GABBR2: variants seen among roughly 807,000 people sequenced by gnomAD.
GABBR2 encodes G-protein coupled receptor 51.
Under a neutral mutation model 105.6 loss-of-function variants are expected in GABBR2, and 23 were observed. The observed-to-expected ratio is 0.22, with a 90% CI of 0.16 to 0.31. GABBR2 has a LOEUF of 0.31. GABBR2 is among the 10% of genes least tolerant of loss of function. GABBR2 has a pLI of 1.00. For missense variants in GABBR2, 734 were observed against 1,245.5 expected (o/e 0.59, Z 6.18); for synonymous variants, 478 against 499.7 (o/e 0.96, Z 0.58).
chr9:98,580,742 C>T (rs929508445), intron 1 of GABBR2, among the ~76,000 whole-genome samples: 2 of 152,156 alleles, frequency 1.3e-5, no homozygotes, highest in Admixed American at 6.5e-5. Flanking sequence ...GAGCCGAGAT[C>T]GCGCCCTGCA....
intron 1 of GABBR2, among the ~76,000 whole-genome samples, chr9:98,605,219 T>A (rs1385736601): frequency 6.6e-6 from 1 of 152,204 alleles, no homozygotes; most frequent in Non-Finnish European, 1.5e-5. Context: ...CAGGTCAGGT[T>A]TCCAACTGCA....
At chr9:98,702,061 T>C (rs749713874) in intron 1 of GABBR2, among the ~76,000 whole-genome samples, 1 of 152,006 alleles carries the variant, frequency 6.6e-6, no homozygotes. Context: ...ATCAGCCCCA[T>C]TTCATCGATG....
At chr9:98,630,115 T>G (rs1829797182) in intron 1 of GABBR2, among the ~76,000 whole-genome samples, 1 of 152,142 alleles carries the variant, frequency 6.6e-6, no homozygotes, top group Non-Finnish European at 1.5e-5. Context: ...TCTGTATGGT[T>G]TATGTCACTC....
chr9:98,510,970 C>A (rs971984582), intron 3 of GABBR2, among the ~76,000 whole-genome samples: 4 of 151,930 alleles, frequency 2.6e-5, no homozygotes, highest in Non-Finnish European at 4.4e-5. Context: ...CAGCACCACA[C>A]CACACCTATT....
At chr9:98,551,389 A>G (rs1426130035) in intron 2 of GABBR2, among the ~76,000 whole-genome samples, 4 of 152,146 alleles carry the variant, frequency 2.6e-5, no homozygotes, top group African/African-American at 9.7e-5. Context: ...GGCGAGTGAA[A>G]CAGAGCAAGA....
intron 1 of GABBR2, among the ~76,000 whole-genome samples, chr9:98,638,124 G>A (rs1829906077): frequency 6.6e-6 from 1 of 152,190 alleles, no homozygotes. Flanking sequence ...TGAAGAAAGG[G>A]TGGGGAGGAA....
intron 1 of GABBR2, among the ~76,000 whole-genome samples, chr9:98,695,359 T>C (rs1442505252): frequency 2.0e-5 from 3 of 152,168 alleles, no homozygotes; most frequent in Non-Finnish European, 2.9e-5. Flanking sequence ...GTAGTGATTA[T>C]AAAGCAGAGT....
At chr9:98,634,903 G>A (rs1247195066) in intron 1 of GABBR2, among the ~76,000 whole-genome samples, 1 of 152,056 alleles carries the variant, frequency 6.6e-6, no homozygotes, top group Non-Finnish European at 1.5e-5. Context: ...ACTACATTTA[G>A]GTGAGGCCAC....
intron 3 of GABBR2, among the ~76,000 whole-genome samples, chr9:98,518,772 G>C (rs771713480): frequency 6.6e-5 from 10 of 152,154 alleles, no homozygotes; most frequent in Non-Finnish European, 1.5e-4. Flanking sequence ...ACTCTGGACA[G>C]CTCCCTCAAG....
chr9:98,338,317 T>C (rs905320574), intron 13 of GABBR2, among the ~76,000 whole-genome samples: 1 of 152,184 alleles, frequency 6.6e-6, no homozygotes, highest in Non-Finnish European at 1.5e-5. Context: ...GAGGACATTA[T>C]TGAGAAAATG....
chr9:98,300,382 C>T (rs763064948), intron 16 of GABBR2, among the ~76,000 whole-genome samples: 5 of 152,040 alleles, frequency 3.3e-5, no homozygotes, highest in East Asian at 1.9e-4. Context: ...TGGGCTCGAG[C>T]GATCCTCCCA....
intron 13 of GABBR2, among the ~76,000 whole-genome samples, chr9:98,312,701 G>A (rs1041033646): frequency 1.3e-5 from 2 of 152,056 alleles, no homozygotes; most frequent in African/African-American, 4.8e-5. Flanking sequence ...TAAACACTTG[G>A]CATTCTACTG....
At position 98,648,647 on chromosome 9, in the gene GABBR2, CA is replaced by C. The variant is rs1339869457; in HGVS notation, c.321+59769del. Among the ~76,000 whole-genome samples the C allele has an allele frequency of 2.0e-5, 3 of 152,278 alleles. No homozygotes were observed. In the East Asian group the frequency reaches 5.8e-4, roughly 29 times the overall value. ...GTCACATGATGGGTCTGGACTAGAT[CA>C]GGGGTTACCAAACCTAGCTTAGTTA... On this transcript the variant is annotated intron_variant, in intron 1 of 18. Transcript: ENST00000259455.
At chr9:98,393,451 C>G (rs934228139) in intron 9 of GABBR2, among the ~76,000 whole-genome samples, 1 of 151,428 alleles carries the variant, frequency 6.6e-6, no homozygotes, top group African/African-American at 2.4e-5. Flanking sequence ...ATCCACACAC[C>G]CACTCATCCA....
intron 1 of GABBR2, among the ~76,000 whole-genome samples, chr9:98,645,754 A>T (rs142867188): frequency 6.6e-6 from 1 of 152,240 alleles, no homozygotes; most frequent in African/African-American, 2.4e-5. Context: ...ATTGAGCACT[A>T]TTGAACCTTC....
intron 7 of GABBR2, among the ~76,000 whole-genome samples, chr9:98,412,716 C>T (rs921625770): frequency 6.6e-6 from 1 of 152,220 alleles, no homozygotes; most frequent in African/African-American, 2.4e-5. Flanking sequence ...CCAGTGTTCC[C>T]TCCAAGTTTC....
intron 1 of GABBR2, among the ~76,000 whole-genome samples, chr9:98,630,224 C>T (rs374265876): frequency 6.6e-6 from 1 of 152,182 alleles, no homozygotes; most frequent in South Asian, 2.1e-4. Flanking sequence ...AGAAGGCAGC[C>T]AAGCCCAAAT....
intron 1 of GABBR2, among the ~76,000 whole-genome samples, chr9:98,683,154 C>T (rs1224947061): frequency 6.6e-6 from 1 of 152,052 alleles, no homozygotes; most frequent in Admixed American, 6.5e-5. Flanking sequence ...AGTGCAATGG[C>T]GCGATCTCAG....
At chr9:98,361,350 G>A (rs1831579084) in intron 13 of GABBR2, among the ~76,000 whole-genome samples, 1 of 149,698 alleles carries the variant, frequency 6.7e-6, no homozygotes, top group South Asian at 2.1e-4. Context: ...GTTAACGCAT[G>A]ATACCAGCTG....
Sources: allele counts gnomAD v4.1 joint callset (sites outside exome capture counted in the v4.1 genomes callset), GRCh38; gene constraint gnomAD v4.1.1; transcripts MANE v1.5; gene names NCBI Gene and HGNC (gene_info 2026-07-23, HGNC 2026-07-21).